The following ATP9B variants were observed in gnomAD, a reference collection of about 807,000 sequenced individuals.
ATP9B encodes ATPase phospholipid transporting 9B.
A neutral mutation model predicts 146.1 loss-of-function variants in ATP9B; 110 were observed. The observed-to-expected ratio is 0.75, with a 90% confidence interval of 0.65 to 0.88. The LOEUF is 0.88. Among genes scored for constraint, ATP9B ranks in the 40% least tolerant of loss-of-function variants. The pLI is 0.00. For synonymous variants in ATP9B, 604 were observed against 569.7 expected, an observed-to-expected ratio of 1.06 and a Z score of -0.86; for missense variants, 1,499 against 1,496.4, an observed-to-expected ratio of 1.00 and a Z score of -0.03.
chr18:79,180,948 C>G (rs1189215816), intron 8 of ATP9B, among the ~76,000 whole-genome samples: 1 of 151,606 alleles, frequency 6.6e-6, no homozygotes, highest in South Asian at 2.1e-4. Flanking sequence ...TGTGCCACCA[C>G]CACGCCCGGC....
chr18:79,351,806 T>G (rs1278064738), intron 25 of ATP9B, among the ~76,000 whole-genome samples: 7 of 120,928 alleles, frequency 5.8e-5, no homozygotes, highest in Admixed American at 8.5e-5. Context: ...GCCGCAAAGG[T>G]GGTGATGGGG....
At chr18:79,276,170 C>A (rs899820360) in intron 12 of ATP9B, among the ~76,000 whole-genome samples, 3 of 152,140 alleles carry the variant, frequency 2.0e-5, no homozygotes, top group African/African-American at 7.2e-5. Context: ...TGCCAGCAGC[C>A]GCATGAGCAG....
At chr18:79,162,853 T>A (rs1037333985) in intron 7 of ATP9B, among the ~76,000 whole-genome samples, 2 of 152,312 alleles carry the variant, frequency 1.3e-5, no homozygotes, top group Middle Eastern at 3.4e-3. Context: ...ACAGGGTAAC[T>A]TATTATGCGA....
chr18:79,229,608 G>A (rs1599099467), intron 11 of ATP9B, among the ~76,000 whole-genome samples: 1 of 152,194 alleles, frequency 6.6e-6, no homozygotes, highest in East Asian at 1.9e-4. Context: ...ATGATGGTGT[G>A]TTTCCAGAGG....
In ATP9B at chr18:79,176,852, C is replaced by G; in HGVS notation, c.818C>G (p.Thr273Ser). Residue 273 changes from threonine to serine, a missense_variant, in exon 8 of 30, where the codon ACT (threonine) becomes AGT (serine). Thr to Ser is a moderately conservative substitution (Grantham distance 58, BLOSUM62 1). Transcript: ENST00000426216. ...CGAACTGATCAACTAGATGGTGAAA[C>G]TGACTGGAAGCTGAAGGTGGCAGTG... ...FIRTDQLDGE[T>S]DWKLKVAVSC... 1 of 1,614,130 alleles carries G rather than the reference C, an allele frequency of 6.2e-7. No homozygotes were observed. Among genetic ancestry groups the G allele is most frequent in the East Asian group, 2.2e-5 (1 of 44,884 alleles).
chr18:79,161,020 T>C (rs1427829503), intron 7 of ATP9B, among the ~76,000 whole-genome samples: 1 of 151,658 alleles, frequency 6.6e-6, no homozygotes, highest in Non-Finnish European at 1.5e-5. Flanking sequence ...TCCACCTGCC[T>C]TGGCCTCCCA....
In ATP9B at chr18:79,237,350, G is replaced by A. The variant is rs188831571; in HGVS notation, c.1108-16031G>A. On this transcript the variant is annotated intron_variant, in intron 11 of 29. Transcript: ENST00000426216. ...TCCTTCCCCACTGTGTGCACGGTCC[G>A]TGCACGAGTCAGTGTCCACACCTGC... Among the ~76,000 whole-genome samples, 234 of 143,450 alleles carry A rather than the reference G, an allele frequency of 1.6e-3. 2 individuals are homozygous for A. The East Asian group carries it at 0.017, about 10-fold the overall frequency. 94.1% of individuals were successfully genotyped at this position (143,450 alleles called of 152,430 possible). A position where few individuals can be genotyped will look rare whatever the true frequency, so the allele number is the denominator to read the frequency against.
chr18:79,100,855 T>C (rs1476842431), intron 2 of ATP9B, among the ~76,000 whole-genome samples: 2 of 152,074 alleles, frequency 1.3e-5, no homozygotes, highest in African/African-American at 2.4e-5. Context: ...GCAGAAAAAC[T>C]CCTGTTTTTA....
chr18:79,340,523 T>C (rs1228445528), intron 19 of ATP9B: 1 of 152,226 alleles, frequency 6.6e-6, no homozygotes, highest in East Asian at 1.9e-4. Context: ...TGGAGCGTGC[T>C]TAAGCAGATA....
chr18:79,135,046 C>G (rs965011207), intron 5 of ATP9B, among the ~76,000 whole-genome samples: 6 of 152,120 alleles, frequency 3.9e-5, no homozygotes, highest in African/African-American at 1.4e-4. Flanking sequence ...CACAAATGCT[C>G]AGCAGTTGTT....
At chr18:79,217,690 A>G (rs2095640867) in intron 11 of ATP9B, among the ~76,000 whole-genome samples, 1 of 152,216 alleles carries the variant, frequency 6.6e-6, no homozygotes, top group Non-Finnish European at 1.5e-5. Context: ...GAGAATTGTG[A>G]CATTGGTCTC....
intron 11 of ATP9B, among the ~76,000 whole-genome samples, chr18:79,221,971 A>C (rs146416174): frequency 1.5e-4 from 23 of 151,122 alleles, no homozygotes; most frequent in African/African-American, 5.3e-4. Context: ...AATTTTAAAC[A>C]TACAGAAAAC....
chr18:79,170,087 C>A (rs1013052485), intron 7 of ATP9B, among the ~76,000 whole-genome samples: 1 of 152,172 alleles, frequency 6.6e-6, no homozygotes, highest in African/African-American at 2.4e-5. Flanking sequence ...CTGTCTCTTG[C>A]TCTGGAGAGG....
chr18:79,238,849 C>T (rs918498403), intron 11 of ATP9B, among the ~76,000 whole-genome samples: 1 of 150,444 alleles, frequency 6.6e-6, no homozygotes, highest in African/African-American at 2.4e-5. Context: ...TGGGCAGTGA[C>T]GCGGACGCAG....
chr18:79,347,819 G>T lies in ATP9B; in HGVS notation c.2732G>T (p.Arg911Leu). Reference sequence around the variant, plus strand: ...GCCGACTTCTCCATCACGCAGTTCCGGCACATAGGCAGGCTGCTCATGGTG... The same window carrying T: ...GCCGACTTCTCCATCACGCAGTTCCTGCACATAGGCAGGCTGCTCATGGTG... Reference protein sequence around the residue: ...LAADFSITQFRHIGRLLMVHG... With the variant: ...LAADFSITQFLHIGRLLMVHG... Residue 911 changes from arginine to leucine, a missense_variant, in exon 24 of 30, where the codon CGG becomes CTG. Coordinates refer to ENST00000426216, the MANE Select transcript of ATP9B (RefSeq NM_198531.5). 6.2e-7 allele frequency: 1 copy of T among 1,612,174 alleles called. No individual in the cohort carries two copies. The highest frequency in any genetic ancestry group is 8.5e-7 in the Non-Finnish European group (1 of 1,178,838).
intron 29 of ATP9B, chr18:79,376,053 T>C: frequency 1.0e-6 from 1 of 985,134 alleles, no homozygotes; most frequent in Non-Finnish European, 1.2e-6. Context: ...GAACATTCTC[T>C]GGGTGGGCCG....
intron 15 of ATP9B, among the ~76,000 whole-genome samples, chr18:79,325,029 G>A (rs528751521): frequency 1.2e-4 from 19 of 152,276 alleles, no homozygotes; most frequent in African/African-American, 3.9e-4. Context: ...GGCCGTGGCC[G>A]AAGACAGACC....
At chr18:79,213,459 ATTATT>A (rs1484347615) in intron 10 of ATP9B, among the ~76,000 whole-genome samples, 3 of 152,124 alleles carry the variant, frequency 2.0e-5, no homozygotes, top group East Asian at 1.9e-4. Flanking sequence ...TAATATTTCT[ATTATT>A]TTAATTGTAC....
chr18:79,283,448 A>C (rs1230181237), intron 13 of ATP9B, among the ~76,000 whole-genome samples: 2 of 152,220 alleles, frequency 1.3e-5, no homozygotes, highest in Non-Finnish European at 2.9e-5. Context: ...TCTGTGCTTC[A>C]TCAGTAAGCT....
Sources: gnomAD v4.1 joint callset for allele counts (sites outside exome capture counted in the v4.1 genomes callset) on GRCh38, gnomAD v4.1.1 for gene constraint, MANE v1.5 for transcripts, NCBI Gene and HGNC (gene_info 2026-07-23, HGNC 2026-07-21) for gene names.